The following SFSWAP variants were observed in gnomAD, a reference collection of about 807,000 sequenced individuals.
SFSWAP encodes splicing factor, suppressor of white-apricot homolog.
In SFSWAP, 17 loss-of-function variants were observed where a neutral mutation model predicts 100.7. The ratio of observed to expected loss-of-function variants is 0.17; its 90% CI spans 0.12 to 0.25. The LOEUF (loss-of-function observed/expected upper bound fraction) is 0.25. SFSWAP is among the 10% of genes least tolerant of loss of function. The probability of loss-of-function intolerance (pLI) is 1.00; values close to 1 mark genes in which losing one functional copy is unlikely to be tolerated. For missense variants in SFSWAP, 1,005 were observed against 1,262.6 expected, an observed-to-expected ratio of 0.80 and a Z score of 3.09; for synonymous variants, 504 against 510.1, an observed-to-expected ratio of 0.99 and a Z score of 0.16.
chr12:131,722,621 C>G (rs554475756), intron 4 of SFSWAP, among the ~76,000 whole-genome samples: 82 of 152,128 alleles, frequency 5.4e-4, no homozygotes, highest in Non-Finnish European at 9.3e-4. Context: ...GTACTAAGTG[C>G]TTCTCTAGGC....
rs960055497 is a variant in SFSWAP at position 131,794,865 on chromosome 12, A to G, written c.2535-2313A>G. Among the ~76,000 whole-genome samples the G allele has an allele frequency of 3.3e-5, 5 of 152,208 alleles. No homozygotes were observed. Among genetic ancestry groups the G allele is most frequent in the African/African-American group, 1.2e-4 (5 of 41,454 alleles). Reference sequence around the variant, plus strand: ...TGCTCCATTCCTTCAGCAAGGGCTTAGATCAGATTGTAGCAGAATTGAACC... The same window carrying G: ...TGCTCCATTCCTTCAGCAAGGGCTTGGATCAGATTGTAGCAGAATTGAACC... On this transcript the variant is annotated intron_variant, in intron 15 of 17. Transcript: ENST00000261674. The surrounding 1 kb of genome is among the most constrained non-coding windows in gnomAD (Gnocchi z 4.8).
chr12:131,766,532 G>T (rs144824986), intron 13 of SFSWAP, among the ~76,000 whole-genome samples: 200 of 152,330 alleles, frequency 1.3e-3, no homozygotes, highest in African/African-American at 4.4e-3. Flanking sequence ...AGCAAACACT[G>T]CCCGCGATTT....
Position 131,714,478 on chromosome 12 carries a change from A to C in SFSWAP, c.388+238A>C. The C allele has an allele frequency of 2.0e-6, 1 of 498,856 alleles. No homozygotes were observed. Among genetic ancestry groups the C allele is most frequent in the Non-Finnish European group, 3.5e-6 (1 of 283,024 alleles). The allele number at this position is 498,856 out of a possible 1,614,324, so 30.9% of individuals were successfully genotyped here. A position where few individuals can be genotyped will look rare whatever the true frequency, so the allele number is the denominator to read the frequency against. On this transcript the variant is annotated intron_variant, in intron 2 of 17. Transcript: ENST00000261674. The surrounding 1 kb of genome is among the most constrained non-coding windows in gnomAD (Gnocchi z 6.0). ...CAGACTGGGATTTGAAAAAAACAAA[A>C]ACCAAACTCTTTAACTGTTCTTCTT...
intron 13 of SFSWAP, among the ~76,000 whole-genome samples, chr12:131,775,325 G>A (rs1032430018): frequency 2.0e-5 from 3 of 152,110 alleles, no homozygotes; most frequent in Non-Finnish European, 4.4e-5. Flanking sequence ...GGGAAATCCC[G>A]GGCCTTGTTG....
Position 131,728,732 on chromosome 12 carries a change from ACT to A in SFSWAP, c.1081+307_1081+308del, listed in dbSNP as rs1331217012. 5.7e-5 allele frequency among the ~76,000 whole-genome samples: 8 copies of A among 139,238 alleles called. No homozygotes were observed. The South Asian group carries it at 9.0e-4, about 16-fold the overall frequency. 91.3% of individuals were successfully genotyped at this position (139,238 alleles called of 152,430 possible). Reference sequence around the variant, plus strand: ...TTTTTTTTTTTTGAGGCGAGGTTTCACTCTGTCACCCAGGCCAGAGTGCAGGG... The same window carrying A: ...TTTTTTTTTTTTGAGGCGAGGTTTCACTGTCACCCAGGCCAGAGTGCAGGG... On this transcript the variant is annotated intron_variant, in intron 7 of 17. Transcript: ENST00000261674.
Position 131,717,466 on chromosome 12 carries a change from G to A in SFSWAP, c.521-1988G>A, listed in dbSNP as rs184037113. Among the ~76,000 whole-genome samples, 8 of 152,148 alleles carry A rather than the reference G, an allele frequency of 5.3e-5. No individual in the cohort carries two copies. The East Asian group carries it at 7.7e-4, about 15-fold the overall frequency. ...CTATATATCCATTTTTTAAACAAAA[G>A]GTTATTTGAATTTATTTAAATCTGA... On this transcript the variant is annotated intron_variant, in intron 3 of 17. Transcript: ENST00000261674.
At chr12:131,755,595 C>A in intron 10 of SFSWAP, 116 bp downstream of exon 10, 1 of 693,268 alleles carries the variant, frequency 1.4e-6, no homozygotes, top group Non-Finnish European at 2.5e-6. Flanking sequence ...GATTCTTCAC[C>A]TTTTTTTAAT....
intron 14 of SFSWAP, chr12:131,784,844 T>C: frequency 2.7e-6 from 1 of 376,468 alleles, no homozygotes; most frequent in Non-Finnish European, 4.7e-6. Context: ...TTTAAAGAAT[T>C]CTATTACTAA....
chr12:131,732,623 T>C (rs552497809), intron 7 of SFSWAP, among the ~76,000 whole-genome samples: 1 of 152,354 alleles, frequency 6.6e-6, no homozygotes, highest in African/African-American at 2.4e-5. Flanking sequence ...CTCCGCCTAA[T>C]GTACCCAGTG....
At chr12:131,788,236 C>T (rs1287917253) in intron 15 of SFSWAP, among the ~76,000 whole-genome samples, 1 of 152,210 alleles carries the variant, frequency 6.6e-6, no homozygotes, top group Non-Finnish European at 1.5e-5. Flanking sequence ...CCAGCCAGCA[C>T]ACTCAGACGC....
chr12:131,794,532 GAAAC>G lies in SFSWAP; in HGVS notation c.2535-2639_2535-2636del, dbSNP rs145708543. Among the ~76,000 whole-genome samples, 177 of 152,306 alleles carry G rather than the reference GAAAC, an allele frequency of 1.2e-3. 1 individual carries two copies. Among genetic ancestry groups the G allele is most frequent in the African/African-American group, 3.9e-3 (164 of 41,564 alleles). Reference sequence around the variant, plus strand: ...AGTTTGGGCAACAGAGGGAAACTGAGAAACAAACAACAGAAAACCAAGAAGCCAA... The same window carrying G: ...AGTTTGGGCAACAGAGGGAAACTGAGAAACAACAGAAAACCAAGAAGCCAA... On this transcript the variant is annotated intron_variant, in intron 15 of 17. Coordinates refer to ENST00000261674, the MANE Select transcript of SFSWAP (RefSeq NM_004592.4). This position sits in a 1 kb window ranked among gnomAD's most constrained non-coding sequence, Gnocchi z 4.8.
Position 131,799,103 on chromosome 12 carries a change from C to A in SFSWAP, c.2784C>A (p.Ile928=). Residue 928 remains isoleucine (I), a synonymous_variant, in exon 17 of 18, where the codon ATC becomes ATA. Coordinates refer to ENST00000261674, the MANE Select transcript of SFSWAP (RefSeq NM_004592.4). ...SAIVSSVQSK[I]TQDLMAKVRA... is the part of the protein sequence containing the mutation. ...TCGTTTCTTCCGTGCAGAGCAAAAT[C>A]ACTCAGGTCAGTGGGCACGCCCCCC... 6.2e-7 allele frequency: 1 copy of A among 1,613,690 alleles called. No individual in the cohort carries two copies. Among genetic ancestry groups the A allele is most frequent in the East Asian group, 2.2e-5 (1 of 44,886 alleles).
In SFSWAP at chr12:131,780,890, G is replaced by A. The variant is rs150312290; in HGVS notation, c.2408+2560G>A. Among the ~76,000 whole-genome samples, 17 of 152,242 alleles carry A rather than the reference G, an allele frequency of 1.1e-4. No homozygotes were observed. The East Asian group carries it at 2.7e-3, about 24-fold the overall frequency. On this transcript the variant is annotated intron_variant, in intron 14 of 17. Coordinates refer to ENST00000261674, the MANE Select transcript of SFSWAP (RefSeq NM_004592.4). ...GAGCTGTTCATGGTGTTTCTTTAGC[G>A]TAAGAAATTAGCTCAGCTTTCATGT...
At chr12:131,795,251 C>T (rs908751337) in intron 15 of SFSWAP, among the ~76,000 whole-genome samples, 3 of 152,164 alleles carry the variant, frequency 2.0e-5, no homozygotes, top group South Asian at 2.1e-4. Flanking sequence ...CAGCGAGCAC[C>T]GTCTCTGGCA....
chr12:131,718,530 A>G (rs1249404510), intron 3 of SFSWAP, among the ~76,000 whole-genome samples: 1 of 152,262 alleles, frequency 6.6e-6, no homozygotes, highest in African/African-American at 2.4e-5. Context: ...CATAGTAGAC[A>G]AGTATTTGTT....
intron 7 of SFSWAP, among the ~76,000 whole-genome samples, chr12:131,749,013 A>G (rs1566025115): frequency 6.6e-6 from 1 of 152,354 alleles, no homozygotes; most frequent in East Asian, 1.9e-4. Context: ...TGAGGGTTCA[A>G]CTCGATGATG....
intron 13 of SFSWAP, among the ~76,000 whole-genome samples, chr12:131,766,908 C>A (rs1043166226): frequency 2.0e-5 from 3 of 152,248 alleles, no homozygotes; most frequent in African/African-American, 7.2e-5. Context: ...GACCAGAGGC[C>A]TTCAGTAGAC....
At chr12:131,799,395 G>C (rs201565806) in intron 17 of SFSWAP, 28 bp from the exon 18 acceptor site, 1 of 1,611,542 alleles carries the variant, frequency 6.2e-7, no homozygotes, top group Admixed American at 1.7e-5. Flanking sequence ...GTCTTCACAG[G>C]TTCTCCTCTG....
chr12:131,776,629 T>A (rs1884046362), intron 13 of SFSWAP, among the ~76,000 whole-genome samples: 1 of 152,342 alleles, frequency 6.6e-6, no homozygotes, highest in South Asian at 2.1e-4. Flanking sequence ...CCACTTTGCC[T>A]TTCACAGATG....
Sources: gnomAD v4.1 joint callset for allele counts (sites outside exome capture counted in the v4.1 genomes callset) on GRCh38, gnomAD v4.1.1 for gene constraint, Gnocchi (gnomAD v3.1) non-coding constraint, MANE v1.5 for transcripts, NCBI Gene and HGNC (gene_info 2026-07-23, HGNC 2026-07-21) for gene names.